The following DOK6 variants were observed in gnomAD, a reference collection of about 807,000 sequenced individuals.
DOK6 encodes docking protein 6, also known as downstream of tyrosine kinase 6.
DOK6 carries 22 observed loss-of-function variants against 44.0 expected under a neutral mutation model. That is an observed-to-expected ratio of 0.50 (90% confidence interval 0.36 to 0.71). The LOEUF is 0.71. Ranked by LOEUF, DOK6 falls within the 30% of genes least tolerant of loss-of-function variation. DOK6 has a pLI of 0.00. For missense variants in DOK6, 340 were observed against 416.4 expected (o/e 0.82, Z 1.60); for synonymous variants, 166 against 145.5 (o/e 1.14, Z -1.01).
chr18:69,504,531 T>C (rs1981130907), intron 1 of DOK6, among the ~76,000 whole-genome samples: 1 of 152,164 alleles, frequency 6.6e-6, no homozygotes, highest in Non-Finnish European at 1.5e-5. Context: ...TGGGGAATTA[T>C]ATGTACTAGT....
At chr18:69,807,755 A>G (rs78306782) in intron 7 of DOK6, among the ~76,000 whole-genome samples, 6,647 of 151,928 alleles carry the variant, frequency 0.044, 240 homozygotes, top group Non-Finnish European at 0.054. Flanking sequence ...AATTGTAAAC[A>G]TATGTGCACC....
intron 1 of DOK6, among the ~76,000 whole-genome samples, chr18:69,468,887 A>G (rs1057476448): frequency 3.9e-5 from 6 of 152,216 alleles, no homozygotes; most frequent in African/African-American, 1.4e-4. Flanking sequence ...AAAAATGGAG[A>G]TTTTTAAAAA....
chr18:69,829,493 T>C (rs910276410), intron 7 of DOK6, among the ~76,000 whole-genome samples: 3 of 151,982 alleles, frequency 2.0e-5, no homozygotes, highest in Non-Finnish European at 4.4e-5. Context: ...ACCCAGCTGG[T>C]AAGTAGTGGA....
chr18:69,556,489 A>T (rs969097702), intron 1 of DOK6, among the ~76,000 whole-genome samples: 2 of 152,188 alleles, frequency 1.3e-5, no homozygotes, highest in Non-Finnish European at 2.9e-5. Flanking sequence ...TTAAAATAAA[A>T]AAAGCTATTT....
At chr18:69,401,711 T>C (rs1916103924) in intron 1 of DOK6, among the ~76,000 whole-genome samples, 1 of 152,134 alleles carries the variant, frequency 6.6e-6, no homozygotes, top group African/African-American at 2.4e-5. Flanking sequence ...TCGCGTGTGT[T>C]TAGAATCACC....
intron 2 of DOK6, among the ~76,000 whole-genome samples, chr18:69,583,535 T>C (rs1983416147): frequency 6.6e-6 from 1 of 152,160 alleles, no homozygotes; most frequent in African/African-American, 2.4e-5. Context: ...TAAACAGAAA[T>C]CTGAAAATTT....
At chr18:69,737,726 C>G (rs945574108) in intron 5 of DOK6, among the ~76,000 whole-genome samples, 1 of 152,170 alleles carries the variant, frequency 6.6e-6, no homozygotes. Context: ...AAAAATCCCT[C>G]CTGTAAGCAT....
intron 1 of DOK6, among the ~76,000 whole-genome samples, chr18:69,535,777 G>GA (rs1253018193): frequency 6.6e-6 from 1 of 151,914 alleles, no homozygotes. Flanking sequence ...ATTTCATTAT[G>GA]AAACTGTGGA....
rs117642540 is a variant in DOK6, at chr18:69,427,057, C to T, written c.66+25747C>T. ...TTCCCTCTATGTGTCCATGTGTTCT[C>T]ATTATTTACCTCCAATTTATAAGCA... is the stretch of plus-strand genomic sequence containing the variant. On this transcript the variant is annotated intron_variant, in intron 1 of 7. Coordinates refer to ENST00000382713, the MANE Select transcript of DOK6 (RefSeq NM_152721.6). Among the ~76,000 whole-genome samples, 1,206 of 152,108 alleles carry T rather than the reference C, an allele frequency of 7.9e-3. 13 individuals are homozygous for T. The highest frequency in any genetic ancestry group is 0.035 in the East Asian group (180 of 5,156).
At chr18:69,762,632 C>T (rs949449247) in intron 7 of DOK6, among the ~76,000 whole-genome samples, 1 of 152,126 alleles carries the variant, frequency 6.6e-6, no homozygotes, top group Non-Finnish European at 1.5e-5. Context: ...AAAACAAAAG[C>T]AGAAAACTTT....
At chr18:69,610,438 A>T (rs1353158552) in intron 3 of DOK6, among the ~76,000 whole-genome samples, 29 of 152,232 alleles carry the variant, frequency 1.9e-4, no homozygotes, top group Admixed American at 1.7e-3. Context: ...ACGGCAAAAA[A>T]ATTAGAAATA....
intron 5 of DOK6, among the ~76,000 whole-genome samples, chr18:69,723,925 T>G (rs1270220348): frequency 6.6e-6 from 1 of 152,210 alleles, no homozygotes; most frequent in Non-Finnish European, 1.5e-5. Flanking sequence ...GTGTTTGAAC[T>G]TTGCAGGGTA....
At chr18:69,655,215 T>C (rs1208628885) in intron 3 of DOK6, among the ~76,000 whole-genome samples, 1 of 152,106 alleles carries the variant, frequency 6.6e-6, no homozygotes, top group African/African-American at 2.4e-5. Flanking sequence ...ATTAGCATCT[T>C]AAGAACTGCA....
chr18:69,836,539 T>C (rs1982059721), intron 7 of DOK6, among the ~76,000 whole-genome samples: 2 of 152,030 alleles, frequency 1.3e-5, no homozygotes, highest in Admixed American at 6.6e-5. Flanking sequence ...GGGTAGAAAA[T>C]AGTATTTTCT....
chr18:69,641,732 C>T (rs986417519), intron 3 of DOK6, among the ~76,000 whole-genome samples: 1 of 152,302 alleles, frequency 6.6e-6, no homozygotes, highest in East Asian at 1.9e-4. Context: ...TCAACTAGCT[C>T]CTTAGTGATA....
intron 4 of DOK6, 58 bp from the exon 5 acceptor site, chr18:69,698,346 G>C (rs1599269897): frequency 1.4e-6 from 2 of 1,474,130 alleles, no homozygotes. Flanking sequence ...ATATCGTATG[G>C]CCATAGACAC....
At chr18:69,466,591 C>T (rs1330821492) in intron 1 of DOK6, among the ~76,000 whole-genome samples, 1 of 151,966 alleles carries the variant, frequency 6.6e-6, no homozygotes, top group Non-Finnish European at 1.5e-5. Flanking sequence ...AACATTCAAA[C>T]TGTTAAATTT....
At chr18:69,419,319 TC>T (rs2122403642) in intron 1 of DOK6, among the ~76,000 whole-genome samples, 1 of 152,204 alleles carries the variant, frequency 6.6e-6, no homozygotes, top group East Asian at 1.9e-4. Flanking sequence ...TAGTCACAAC[TC>T]CCTTTTAAAT....
chr18:69,811,434 C>T (rs2145115675), intron 7 of DOK6, among the ~76,000 whole-genome samples: 1 of 150,346 alleles, frequency 6.7e-6, no homozygotes, highest in East Asian at 2.0e-4. Context: ...TTGAAAATTG[C>T]TGAGAGTGGA....
Sources: allele counts gnomAD v4.1 joint callset (sites outside exome capture counted in the v4.1 genomes callset), GRCh38; gene constraint gnomAD v4.1.1; transcripts MANE v1.5; gene names NCBI Gene and HGNC (gene_info 2026-07-23, HGNC 2026-07-21).